CDC42BPG: variants seen among roughly 807,000 people sequenced by gnomAD.
The protein encoded by CDC42BPG is CDC42 binding protein kinase gamma.
CDC42BPG carries 157 observed loss-of-function variants against 192.2 expected under a neutral mutation model. That is an observed-to-expected ratio of 0.82 (90% CI 0.72 to 0.93). The LOEUF (loss-of-function observed/expected upper bound fraction) is 0.93, where lower values mean the gene tolerates loss of function less well. CDC42BPG is among the 40% of genes least tolerant of loss of function. The probability of loss-of-function intolerance (pLI) is 0.00; values close to 1 mark genes in which losing one functional copy is unlikely to be tolerated. For synonymous variants in CDC42BPG, 981 were observed against 918.5 expected (o/e 1.07, Z -1.23); for missense variants, 1,992 against 2,122.1 (o/e 0.94, Z 1.20).
rs200993153 is a variant in CDC42BPG, at chr11:64,834,941, T to C, written c.2083A>G (p.Arg695Gly). The C allele has an allele frequency of 1.4e-4, 228 of 1,614,120 alleles. No individual in the cohort carries two copies. The East Asian group carries it at 5.0e-3, about 35-fold the overall frequency. The change falls in exon 18 of 37, where the codon AGA becomes GGA. Residue 695 changes from arginine to glycine, a missense_variant. Arg to Gly is a moderately radical substitution (Grantham distance 125). Around this residue, in one of 2 missense-constraint regions of CDC42BPG, gnomAD observed 1,656 missense variants for 1,844.3 expected, o/e 0.90. Coordinates refer to ENST00000342711, the MANE Select transcript of CDC42BPG (RefSeq NM_017525.3). ...GTGGCCAGGGCCTGCAGGTAGCCTC[T>C]TGAGACCTTCTCATCATTCACCCTG... The part of the protein sequence containing the change: ...LSWVNDEKVS[R>G]GYLQALATKM...
chr11:64,830,074 C>T lies in CDC42BPG; in HGVS notation c.3368-4G>A, dbSNP rs780478300. On this transcript the variant is annotated splice_polypyrimidine_tract_variant and splice_region_variant and intron_variant, in intron 29 of 36. Coordinates refer to ENST00000342711, the MANE Select transcript of CDC42BPG (RefSeq NM_017525.3). The stretch of plus-strand genomic sequence containing the variant: ...CACTCCCCCACCTGGAAGATGTCTG[C>T]AGGGTTGGCGAGGGGAGAGTGTCAC... 1.1e-5 allele frequency: 18 copies of T among 1,612,682 alleles called. No individual in the cohort carries two copies. The Admixed American group carries it at 3.0e-4, about 27-fold the overall frequency.
chr11:64,842,793 G>T (rs1013633847), intron 1 of CDC42BPG, among the ~76,000 whole-genome samples: 3 of 152,194 alleles, frequency 2.0e-5, no homozygotes, highest in Admixed American at 6.5e-5. Context: ...AGGGAGGCAG[G>T]AGTGATCAGT....
At position 64,832,694 on chromosome 11, in the gene CDC42BPG, G is replaced by A. The variant is rs373459157; in HGVS notation, c.2915C>T (p.Ala972Val). The part of the protein sequence containing the change: ...VRRGWQRVFA[A>V]LSDSRLLLFD... The stretch of plus-strand genomic sequence containing the variant: ...CAGCAGCAGGCGTGAGTCACTCAGG[G>A]CAGCAAACACGCGCTGCCAGCCCCG... Residue 972 changes from alanine (A) to valine (V), a missense_variant, in exon 26 of 37, where the codon GCC becomes GTC. By Grantham distance (64) the Ala-to-Val change is moderately conservative (BLOSUM62 0). Coordinates refer to ENST00000342711, the MANE Select transcript of CDC42BPG (RefSeq NM_017525.3). 30 of 1,612,970 alleles carry A rather than the reference G, an allele frequency of 1.9e-5. No homozygotes were observed. In the East Asian group the frequency reaches 3.8e-4, roughly 20 times the overall value.
chr11:64,838,184 G>A, intron 8 of CDC42BPG, 22 bp from the exon 9 acceptor site: 2 of 1,543,468 alleles, frequency 1.3e-6, no homozygotes, highest in Non-Finnish European at 1.8e-6. Flanking sequence ...GAGGGAAGGA[G>A]AGTCAGAGTC....
rs545281299 is a variant in CDC42BPG, at chr11:64,832,640, G to A, written c.2969C>T (p.Pro990Leu). ...LFDAPDLRLS[P>L]PSGALLQVLD... is the part of the protein sequence containing the mutation. ...GACCTGCAGGAGGGCCCCACTGGGC[G>A]GGCTGAGCCTCAGGTCAGGGGCGTC... The change falls in exon 26 of 37, where the codon CCG becomes CTG. Residue 990 changes from proline (P) to leucine (L), a missense_variant. Physicochemically the swap from Pro to Leu is moderately conservative, Grantham distance 98. Transcript: ENST00000342711. 82 of 1,613,804 alleles carry A rather than the reference G, an allele frequency of 5.1e-5. No individual in the cohort carries two copies. The highest frequency in any genetic ancestry group is 1.3e-4 in the East Asian group (6 of 44,888).
At chr11:64,842,687 C>T (rs574028464) in intron 1 of CDC42BPG, among the ~76,000 whole-genome samples, 1 of 152,296 alleles carries the variant, frequency 6.6e-6, no homozygotes, top group African/African-American at 2.4e-5. Context: ...CCTCTTTCCT[C>T]ACATCCCAGA....
At chr11:64,843,418 C>T (rs930998849) in intron 1 of CDC42BPG, among the ~76,000 whole-genome samples, 2 of 152,186 alleles carry the variant, frequency 1.3e-5, no homozygotes, top group East Asian at 1.9e-4. Flanking sequence ...AGGCAGGGGC[C>T]TCTGACTGCC....
At chr11:64,835,706 G>C in intron 14 of CDC42BPG, 56 bp downstream of exon 14, 1 of 1,607,912 alleles carries the variant, frequency 6.2e-7, no homozygotes, top group South Asian at 1.1e-5. Context: ...CTGAGGCTCT[G>C]AGTGGGGTCA....
Position 64,829,477 on chromosome 11 carries a change from C to T in CDC42BPG, c.3961G>A (p.Gly1321Ser), listed in dbSNP as rs564259637. The change falls in exon 30 of 37, where the codon GGC becomes AGC. Residue 1321 changes from glycine (G) to serine (S), a missense_variant. Around this residue, in one of 2 missense-constraint regions of CDC42BPG, gnomAD observed 1,656 missense variants for 1,844.3 expected, o/e 0.90. Transcript: ENST00000342711. The stretch of plus-strand genomic sequence containing the variant: ...AGCCCTCAGCAGGCCTTACCCCAGC[C>T]CATGGGCGCTGCTGGCCACAACAGC... Reference protein sequence around the residue: ...HELLWPAAPMGWGYAAPYLTV... With the variant: ...HELLWPAAPMSWGYAAPYLTV... 7.4e-6 allele frequency: 12 copies of T among 1,612,692 alleles called. No individual in the cohort carries two copies. The Admixed American group carries it at 2.0e-4, about 27-fold the overall frequency.
At position 64,840,262 on chromosome 11, in the gene CDC42BPG, C is replaced by T; in HGVS notation, c.439G>A (p.Val147Met). The T allele has an allele frequency of 6.2e-7, 1 of 1,611,522 alleles. No individual in the cohort carries two copies. The highest frequency in any genetic ancestry group is 8.5e-7 in the Non-Finnish European group (1 of 1,179,944). ...TCCCCACCAGCATAGTAGTCCATCA[C>T]AAGGTACTGGAGGTGGCGGACAAGA... ...AFQDEEYLYL[V>M]MDYYAGGDLL... The change falls in exon 5 of 37, where the codon GTG becomes ATG. Residue 147 changes from valine (V) to methionine (M), a missense_variant. Physicochemically the swap from Val to Met is conservative, Grantham distance 21. This residue lies in a region of CDC42BPG where 1,656 missense variants were observed against 1,844.3 expected (regional missense o/e 0.90). Transcript: ENST00000342711.
rs771331518 is a variant in CDC42BPG at position 64,835,860 on chromosome 11, G to A, written c.1669-9C>T. The A allele has an allele frequency of 1.8e-5, 29 of 1,606,436 alleles. 1 individual carries two copies. In the South Asian group the frequency reaches 3.2e-4, roughly 18 times the overall value. ...GACACCTGGGCCTCCAGCTGTGAGG[G>A]GTGCAGAGGCAGGCCACTGCCAACT... On this transcript the variant is annotated splice_polypyrimidine_tract_variant and intron_variant, in intron 13 of 36. Transcript: ENST00000342711.
In CDC42BPG at chr11:64,833,210, A is replaced by C. The variant is rs565203432; in HGVS notation, c.2731+21T>G. ...ACACACCTGGGACCGTGGCTGGAGCATAGTGGGTGGGGACTCTCACCATCA... is the reference window on the plus strand; with the variant it reads ...ACACACCTGGGACCGTGGCTGGAGCCTAGTGGGTGGGGACTCTCACCATCA... On this transcript the variant is annotated intron_variant, in intron 24 of 36. Coordinates refer to ENST00000342711, the MANE Select transcript of CDC42BPG (RefSeq NM_017525.3). 6 of 1,519,734 alleles carry C rather than the reference A, an allele frequency of 3.9e-6. No individual in the cohort carries two copies. In the East Asian group the frequency reaches 1.5e-4, roughly 37 times the overall value. 94.1% of individuals were successfully genotyped at this position (1,519,734 alleles called of 1,614,324 possible).
chr11:64,840,316 C>A (rs1353209748), intron 4 of CDC42BPG, 48 bp from the exon 5 acceptor site: 2 of 1,594,714 alleles, frequency 1.3e-6, no homozygotes, highest in East Asian at 2.2e-5. Flanking sequence ...GTGCACCTGG[C>A]CACTTCACCG....
At chr11:64,824,646 G>T in intron 36 of CDC42BPG, 117 bp from the exon 37 acceptor site, 1 of 664,500 alleles carries the variant, frequency 1.5e-6, no homozygotes, top group Non-Finnish European at 2.7e-6. Context: ...CAGGGCCCCT[G>T]GAGGAAGCCA....
Position 64,832,960 on chromosome 11 carries a change from CT to C in CDC42BPG, c.2732-2del. On this transcript the variant is annotated splice_acceptor_variant, in intron 24 of 36. Coordinates refer to ENST00000342711, the MANE Select transcript of CDC42BPG (RefSeq NM_017525.3). LOFTEE classifies it high-confidence loss of function. The stretch of plus-strand genomic sequence containing the variant: ...GTTGTGTGACAAAAGTAGCCGCAGG[CT>C]GTGGGGAAAGTGGAGAAGGTGGATG... The C allele has an allele frequency of 6.6e-7, 1 of 1,526,556 alleles. No homozygotes were observed. Among genetic ancestry groups the C allele is most frequent in the Non-Finnish European group, 8.8e-7 (1 of 1,135,250 alleles). The allele number at this position is 1,526,556 out of a possible 1,614,324, so 94.6% of individuals were successfully genotyped here.
chr11:64,844,427 G>A lies in CDC42BPG; in HGVS notation c.143C>T (p.Ala48Val), dbSNP rs1392959118. ...SGPLRRERSV[A>V]QFLSWASPFV... Reference sequence around the variant, plus strand: ...CCACTCACCCCAGCTCAGGAACTGCGCCACGCTGCGCTCCCGCCGTAGGGG... The same window carrying A: ...CCACTCACCCCAGCTCAGGAACTGCACCACGCTGCGCTCCCGCCGTAGGGG... Residue 48 changes from alanine (A) to valine (V), a missense_variant, in exon 1 of 37, where the codon GCG becomes GTG. Ala to Val is a moderately conservative substitution (Grantham distance 64). This residue lies in a region of CDC42BPG where 1,656 missense variants were observed against 1,844.3 expected (regional missense o/e 0.90). Coordinates refer to ENST00000342711, the MANE Select transcript of CDC42BPG (RefSeq NM_017525.3). 14 of 1,461,378 alleles carry A rather than the reference G, an allele frequency of 9.6e-6. No individual in the cohort carries two copies. The highest frequency in any genetic ancestry group is 1.3e-5 in the Non-Finnish European group (14 of 1,111,472). 90.5% of individuals were successfully genotyped at this position (1,461,378 alleles called of 1,614,324 possible).
intron 36 of CDC42BPG, among the ~76,000 whole-genome samples, chr11:64,825,469 T>C (rs1480095765): frequency 6.6e-6 from 1 of 152,048 alleles, no homozygotes; most frequent in Non-Finnish European, 1.5e-5. Flanking sequence ...CCTTTGAAGA[T>C]GATCCTGGTG....
At chr11:64,826,427 GA>G in intron 36 of CDC42BPG, 42 bp downstream of exon 36, 1 of 1,396,874 alleles carries the variant, frequency 7.2e-7, no homozygotes, top group Non-Finnish European at 1.0e-6. Context: ...GGAACTGCCT[GA>G]CGTTTGAATA....
chr11:64,838,737 T>G lies in CDC42BPG; in HGVS notation c.1042A>C (p.Ser348Arg). ...EGVDWERLAS[S>R]TAPYIPELRG... Reference sequence around the variant, plus strand: ...AGCTCAGGAATATAGGGGGCCGTGCTGCTCGCCAGCCGCTCCCAGTCCACG... The same window carrying G: ...AGCTCAGGAATATAGGGGGCCGTGCGGCTCGCCAGCCGCTCCCAGTCCACG... The change falls in exon 8 of 37, where the codon AGC becomes CGC. Residue 348 changes from serine (S) to arginine (R), a missense_variant. Around this residue, in one of 2 missense-constraint regions of CDC42BPG, gnomAD observed 1,656 missense variants for 1,844.3 expected, o/e 0.90. Transcript: ENST00000342711. The G allele has an allele frequency of 1.2e-6, 2 of 1,613,022 alleles. No individual in the cohort carries two copies. Among genetic ancestry groups the G allele is most frequent in the Non-Finnish European group, 1.7e-6 (2 of 1,180,028 alleles).
Sources: gnomAD v4.1 joint callset for allele counts (sites outside exome capture counted in the v4.1 genomes callset) on GRCh38, gnomAD v4.1.1 for gene constraint, gnomAD v4.1.1 regional missense constraint, MANE v1.5 for transcripts, NCBI Gene and HGNC (gene_info 2026-07-23, HGNC 2026-07-21) for gene names.